SPATA9: variants seen among roughly 807,000 people sequenced by gnomAD.
SPATA9 encodes spermatogenesis-associated protein 9.
A neutral mutation model predicts 25.5 loss-of-function variants in SPATA9; 27 were observed. The ratio of observed to expected loss-of-function variants is 1.06; its 90% confidence interval spans 0.78 to 1.46. The LOEUF (loss-of-function observed/expected upper bound fraction) is 1.46. Ranked by LOEUF, SPATA9 falls within the 40% of genes most tolerant of loss-of-function variation. The pLI is 0.00. For synonymous variants in SPATA9, 102 were observed against 105.7 expected (o/e 0.97, Z 0.21); for missense variants, 282 against 297.5 (o/e 0.95, Z 0.38).
chr5:95,700,435 G>T (rs1271925992), upstream of SPATA9, among the ~76,000 whole-genome samples: 1 of 152,142 alleles, frequency 6.6e-6, no homozygotes, highest in Non-Finnish European at 1.5e-5. Context: ...GAGTAGCTGG[G>T]ATTACAGGCA....
chr5:95,708,717 T>C, the SPATA9 span: 1 of 685,570 alleles, frequency 1.5e-6, no homozygotes, highest in African/African-American at 1.8e-5. Context: ...CTATGACCGG[T>C]AAGTTGTGTT....
At chr5:95,698,253 A>C (rs1754086888) in intron 1 of SPATA9, among the ~76,000 whole-genome samples, 1 of 152,178 alleles carries the variant, frequency 6.6e-6, no homozygotes, top group Admixed American at 6.5e-5. Flanking sequence ...GAAACGTGGG[A>C]GAGGAAAATA....
rs199651783 is a variant in SPATA9 at position 95,679,660 on chromosome 5, G to GT, written c.150+2867dup. 9.5e-3 allele frequency among the ~76,000 whole-genome samples: 1,443 copies of GT among 152,260 alleles called. 21 individuals carry two copies. Among genetic ancestry groups the GT allele is most frequent in the African/African-American group, 0.033 (1,361 of 41,528 alleles). ...CCTGACACTAAGGCCAACCTTCCAAGTTCTGGTGTCCTGTATCCAATATGA... is the reference window on the plus strand; with the variant it reads ...CCTGACACTAAGGCCAACCTTCCAAGTTTCTGGTGTCCTGTATCCAATATGA... On this transcript the variant is annotated intron_variant, in intron 2 of 4. Transcript: ENST00000274432.
the SPATA9 span, among the ~76,000 whole-genome samples, chr5:95,730,040 G>C: frequency 9.7e-4 from 147 of 151,672 alleles, no homozygotes; most frequent in Middle Eastern, 0.01. Context: ...TTAGGTTCTA[G>C]AGACTCAAAG....
intron 3 of SPATA9, among the ~76,000 whole-genome samples, chr5:95,666,393 AT>A (rs1265288489): frequency 6.6e-6 from 1 of 152,190 alleles, no homozygotes; most frequent in Non-Finnish European, 1.5e-5. Context: ...TCTTGGACAA[AT>A]TAATTCTTTC....
chr5:95,709,078 T>G, the SPATA9 span, among the ~76,000 whole-genome samples: 1 of 152,020 alleles, frequency 6.6e-6, no homozygotes, highest in Non-Finnish European at 1.5e-5. Flanking sequence ...GTTGGCATCG[T>G]GAGGATGACG....
At chr5:95,715,184 C>T in the SPATA9 span, among the ~76,000 whole-genome samples, 4 of 151,792 alleles carry the variant, frequency 2.6e-5, no homozygotes, top group African/African-American at 7.3e-5. Context: ...ATTAGCTGGG[C>T]GTGGTGGTGC....
chr5:95,726,018 A>G, the SPATA9 span, among the ~76,000 whole-genome samples: 3 of 152,308 alleles, frequency 2.0e-5, no homozygotes, highest in Non-Finnish European at 4.4e-5. Context: ...TATTTCATTT[A>G]TTGGAACACA....
the SPATA9 span, among the ~76,000 whole-genome samples, chr5:95,725,819 T>C: frequency 6.6e-6 from 1 of 152,242 alleles, no homozygotes; most frequent in Non-Finnish European, 1.5e-5. Flanking sequence ...TTTTTTTTTT[T>C]TTTGAATGTT....
At chr5:95,682,501 C>T (rs755656446) in intron 2 of SPATA9, 27 bp downstream of exon 2, 1 of 1,455,680 alleles carries the variant, frequency 6.9e-7, no homozygotes, top group Admixed American at 1.8e-5. Flanking sequence ...TTTTCTATTC[C>T]TTTTAAAGGT....
chr5:95,679,500 C>G (rs991549826), intron 2 of SPATA9, among the ~76,000 whole-genome samples: 2 of 152,210 alleles, frequency 1.3e-5, no homozygotes, highest in African/African-American at 2.4e-5. Context: ...CCTTACCTCT[C>G]ATGCTTAGCT....
chr5:95,663,857 CATT>C, intron 4 of SPATA9, 93 bp downstream of exon 4: 1 of 588,698 alleles, frequency 1.7e-6, no homozygotes, highest in South Asian at 7.4e-5. Context: ...TGAATGGTAA[CATT>C]AAATATTGTA....
the SPATA9 span, among the ~76,000 whole-genome samples, chr5:95,718,759 T>G: frequency 6.6e-6 from 1 of 152,120 alleles, no homozygotes; most frequent in Non-Finnish European, 1.5e-5. Flanking sequence ...AATGGGGCTA[T>G]GAGAACAGAC....
At chr5:95,694,360 A>G (rs1031863415) in intron 1 of SPATA9, among the ~76,000 whole-genome samples, 2 of 152,204 alleles carry the variant, frequency 1.3e-5, no homozygotes, top group African/African-American at 4.8e-5. Flanking sequence ...ATATTACTTA[A>G]TTACCTAGCT....
At chr5:95,691,512 GT>G (rs1210575860) in intron 1 of SPATA9, among the ~76,000 whole-genome samples, 1 of 152,072 alleles carries the variant, frequency 6.6e-6, no homozygotes, top group Non-Finnish European at 1.5e-5. Flanking sequence ...TTAATAGTAT[GT>G]TTTACGTTCT....
At chr5:95,707,594 T>C in the SPATA9 span, among the ~76,000 whole-genome samples, 2 of 152,144 alleles carry the variant, frequency 1.3e-5, no homozygotes, top group African/African-American at 4.8e-5. Flanking sequence ...TTAAGACTAT[T>C]ACAAGGTGAT....
chr5:95,718,196 A>C, the SPATA9 span, among the ~76,000 whole-genome samples: 2 of 152,136 alleles, frequency 1.3e-5, no homozygotes, highest in Non-Finnish European at 2.9e-5. Flanking sequence ...TTCTAGCCGT[A>C]TGGGGAAGAA....
At chr5:95,652,358 G>A (rs1324338881), downstream of SPATA9, 1 of 1,546,578 alleles carries the variant, frequency 6.5e-7, no homozygotes, top group Non-Finnish European at 8.7e-7. Context: ...CTATGACCTG[G>A]AAACTCCCCA....
chr5:95,731,121 TATTA>T, the SPATA9 span: 4 of 1,049,496 alleles, frequency 3.8e-6, no homozygotes, highest in Non-Finnish European at 4.6e-6. Flanking sequence ...GCGTTGTATT[TATTA>T]ATTTATATTC....
Sources: gnomAD v4.1 joint callset for allele counts (sites outside exome capture counted in the v4.1 genomes callset) on GRCh38, gnomAD v4.1.1 for gene constraint, MANE v1.5 for transcripts, NCBI Gene and HGNC (gene_info 2026-07-23, HGNC 2026-07-21) for gene names.